Variants in KCNIP4 observed in about 807,000 individuals in gnomAD.
KCNIP4 encodes potassium voltage-gated channel interacting protein 4, also known as Kv channel-interacting protein 4.
A neutral mutation model predicts 34.0 loss-of-function variants in KCNIP4; 12 were observed. That is an observed-to-expected ratio of 0.35 (90% CI 0.23 to 0.57). The LOEUF (loss-of-function observed/expected upper bound fraction) is 0.57. KCNIP4 is among the 20% of genes least tolerant of loss of function. KCNIP4 has a pLI of 0.83. For missense variants in KCNIP4, 238 were observed against 311.7 expected, an observed-to-expected ratio of 0.76 and a Z score of 1.78; for synonymous variants, 124 against 102.2, an observed-to-expected ratio of 1.21 and a Z score of -1.29.
chr4:21,526,634 G>A lies in KCNIP4; in HGVS notation c.61+421937C>T, dbSNP rs1230261184. Among the ~76,000 whole-genome samples the A allele has an allele frequency of 2.0e-5, 3 of 151,786 alleles. No individual in the cohort carries two copies. In the South Asian group the frequency reaches 6.2e-4, roughly 32 times the overall value. ...TCTTAATAATCATGTATCACCTATT[G>A]TTCTTGATATTGCACCACAAGGAAC... On this transcript the variant is annotated intron_variant, in intron 1 of 8. Coordinates refer to ENST00000382152, the MANE Select transcript of KCNIP4 (RefSeq NM_025221.6).
intron 4 of KCNIP4, among the ~76,000 whole-genome samples, chr4:20,752,090 C>T (rs1368538891): frequency 7.7e-6 from 1 of 130,664 alleles, no homozygotes; most frequent in Admixed American, 8.5e-5. Flanking sequence ...CAAAGTACTG[C>T]TCTTGTCCCC....
At chr4:20,836,983 C>G (rs1207247712) in intron 3 of KCNIP4, among the ~76,000 whole-genome samples, 1 of 151,792 alleles carries the variant, frequency 6.6e-6, no homozygotes, top group Non-Finnish European at 1.5e-5. Flanking sequence ...GAGAACGATT[C>G]TTTTTTGCAT....
intron 1 of KCNIP4, among the ~76,000 whole-genome samples, chr4:21,416,845 T>G (rs1290798683): frequency 6.6e-6 from 1 of 152,180 alleles, no homozygotes; most frequent in African/African-American, 2.4e-5. Context: ...AGAATTCCAC[T>G]TGTTCAGGAC....
chr4:21,736,225 G>A (rs1715980499), intron 1 of KCNIP4, among the ~76,000 whole-genome samples: 1 of 152,054 alleles, frequency 6.6e-6, no homozygotes, highest in Non-Finnish European at 1.5e-5. Context: ...TGAGATTTTG[G>A]GGGTTACTCA....
chr4:21,400,516 T>TCCCC (rs1560369176), intron 1 of KCNIP4, among the ~76,000 whole-genome samples: 1 of 47,180 alleles, frequency 2.1e-5, no homozygotes, highest in African/African-American at 8.7e-5. Flanking sequence ...TCCCTTCCTC[T>TCCCC]TCTCTTCTCT....
chr4:21,322,608 A>G (rs145191115), intron 1 of KCNIP4, among the ~76,000 whole-genome samples: 75 of 152,244 alleles, frequency 4.9e-4, no homozygotes, highest in Non-Finnish European at 8.5e-4. Flanking sequence ...GGCCTTCTAA[A>G]GGAGTCCTTC....
chr4:21,581,241 T>C (rs74354547), intron 1 of KCNIP4, among the ~76,000 whole-genome samples: 3,409 of 152,076 alleles, frequency 0.022, 138 homozygotes, highest in African/African-American at 0.077. Context: ...GGAGGTCTGT[T>C]ATTTTCAAGG....
intron 2 of KCNIP4, among the ~76,000 whole-genome samples, chr4:20,875,715 T>A (rs946050924): frequency 1.3e-5 from 2 of 152,134 alleles, no homozygotes; most frequent in African/African-American, 4.8e-5. Flanking sequence ...CTGTCAGAGG[T>A]TAAACATTAA....
intron 1 of KCNIP4, among the ~76,000 whole-genome samples, chr4:21,071,976 C>G (rs959148140): frequency 8.9e-6 from 1 of 112,954 alleles, no homozygotes; most frequent in African/African-American, 2.8e-5. Flanking sequence ...ATGAACTCAT[C>G]CTTTTTTATG....
At chr4:20,786,148 C>T (rs1490741102) in intron 3 of KCNIP4, among the ~76,000 whole-genome samples, 1 of 152,048 alleles carries the variant, frequency 6.6e-6, no homozygotes. Context: ...TTTGCAGCAA[C>T]GTGGATGCAG....
chr4:20,817,760 T>G (rs182050187), intron 3 of KCNIP4, among the ~76,000 whole-genome samples: 1 of 152,088 alleles, frequency 6.6e-6, no homozygotes, highest in African/African-American at 2.4e-5. Flanking sequence ...ATGCAATTAC[T>G]ATGGATTTTA....
intron 1 of KCNIP4, among the ~76,000 whole-genome samples, chr4:21,643,453 A>G (rs1417125478): frequency 1.3e-5 from 2 of 152,156 alleles, no homozygotes; most frequent in African/African-American, 4.8e-5. Context: ...TTGGTTTAAG[A>G]TGTATATGAG....
At chr4:21,118,427 G>C (rs370396403) in intron 1 of KCNIP4, among the ~76,000 whole-genome samples, 2 of 152,084 alleles carry the variant, frequency 1.3e-5, no homozygotes, top group Admixed American at 1.3e-4. Flanking sequence ...TCCACTTCTA[G>C]GTAACCTGCC....
intron 2 of KCNIP4, among the ~76,000 whole-genome samples, chr4:20,871,862 C>CA (rs778909633): frequency 1.3e-5 from 2 of 151,922 alleles, no homozygotes; most frequent in Admixed American, 6.6e-5. Context: ...AGTCATGTGG[C>CA]AAAAAATCAT....
In KCNIP4 at chr4:21,674,511, C is replaced by A. The variant is rs138088838; in HGVS notation, c.61+274060G>T. ...TTTGAATATTACATCTTGAAGACAG[C>A]AGTGTTTTCACTTTTACAAGTTATC... On this transcript the variant is annotated intron_variant, in intron 1 of 8. Transcript: ENST00000382152. Among the ~76,000 whole-genome samples the A allele has an allele frequency of 2.6e-3, 402 of 152,290 alleles. 1 individual carries two copies. The highest frequency in any genetic ancestry group is 7.7e-3 in the African/African-American group (321 of 41,566).
At chr4:21,604,014 G>T (rs1229793003) in intron 1 of KCNIP4, among the ~76,000 whole-genome samples, 1 of 151,964 alleles carries the variant, frequency 6.6e-6, no homozygotes, top group Non-Finnish European at 1.5e-5. Flanking sequence ...TCGGTAATGG[G>T]AAATCTAAGA....
At chr4:21,531,329 C>T (rs1293515970) in intron 1 of KCNIP4, among the ~76,000 whole-genome samples, 2 of 115,330 alleles carry the variant, frequency 1.7e-5, no homozygotes, top group African/African-American at 6.8e-5. Context: ...TCCTTCCTCC[C>T]TCCCTCCCTT....
rs145071651 is a variant in KCNIP4, at chr4:21,223,440, T to C, written c.62-340731A>G. On this transcript the variant is annotated intron_variant, in intron 1 of 8. Transcript: ENST00000382152. Reference sequence around the variant, plus strand: ...GTTGTTTAAGGCACTATGCATGTGGTCATTTGTTCCAGCAGCAATAGGAAA... The same window carrying C: ...GTTGTTTAAGGCACTATGCATGTGGCCATTTGTTCCAGCAGCAATAGGAAA... 6.7e-3 allele frequency among the ~76,000 whole-genome samples: 1,016 copies of C among 152,264 alleles called. 9 individuals carry two copies. The highest frequency in any genetic ancestry group is 0.011 in the East Asian group (55 of 5,168).
chr4:21,009,373 C>A (rs6850639), intron 1 of KCNIP4, among the ~76,000 whole-genome samples: 2 of 152,010 alleles, frequency 1.3e-5, no homozygotes, highest in East Asian at 3.9e-4. Flanking sequence ...CCATTATGAA[C>A]GAAATAATTA....
Sources: gnomAD v4.1 joint callset for allele counts (sites outside exome capture counted in the v4.1 genomes callset) on GRCh38, gnomAD v4.1.1 for gene constraint, MANE v1.5 for transcripts, NCBI Gene and HGNC (gene_info 2026-07-23, HGNC 2026-07-21) for gene names.